Variants in FHIT observed in about 807,000 individuals in gnomAD.
The protein encoded by FHIT is fragile histidine triad diadenosine triphosphatase, also known as bis(5'-adenosyl)-triphosphatase.
FHIT carries 19 observed loss-of-function variants against 17.9 expected under a neutral mutation model. That is an observed-to-expected ratio of 1.06 (90% CI 0.74 to 1.56). FHIT has a LOEUF of 1.56. FHIT is among the 40% of genes most tolerant of loss of function. The pLI, the probability that FHIT is intolerant of heterozygous loss-of-function variation, is 0.00. For missense variants in FHIT, 248 were observed against 189.2 expected (o/e 1.31, Z -1.82); for synonymous variants, 81 against 69.7 (o/e 1.16, Z -0.81).
intron 5 of FHIT, among the ~76,000 whole-genome samples, chr3:60,444,602 AC>A (rs1319201449): frequency 6.6e-6 from 1 of 152,112 alleles, no homozygotes; most frequent in Non-Finnish European, 1.5e-5. Context: ...AGGACAAAAA[AC>A]CAAACACCGC....
intron 1 of FHIT, among the ~76,000 whole-genome samples, chr3:61,213,049 T>A (rs201344922): frequency 6.6e-6 from 1 of 151,994 alleles, no homozygotes; most frequent in Non-Finnish European, 1.5e-5. Context: ...CACTGCAAAA[T>A]CATGCCAAAT....
chr3:60,317,984 GT>G (rs1386620345), intron 5 of FHIT, among the ~76,000 whole-genome samples: 1 of 151,922 alleles, frequency 6.6e-6, no homozygotes, highest in Non-Finnish European at 1.5e-5. Context: ...TAGAAACGGG[GT>G]TTTGCCATGT....
chr3:59,827,923 G>C (rs1352628425), intron 8 of FHIT, among the ~76,000 whole-genome samples: 1 of 152,142 alleles, frequency 6.6e-6, no homozygotes, highest in Non-Finnish European at 1.5e-5. Flanking sequence ...CTGCAAATTT[G>C]ACATTTGATC....
intron 5 of FHIT, among the ~76,000 whole-genome samples, chr3:60,029,454 G>A (rs2106775828): frequency 6.6e-6 from 1 of 152,298 alleles, no homozygotes; most frequent in Admixed American, 6.5e-5. Flanking sequence ...GAGAGCAGAT[G>A]AAGGAAAATC....
At chr3:60,261,911 C>G (rs568541374) in intron 5 of FHIT, among the ~76,000 whole-genome samples, 4 of 152,050 alleles carry the variant, frequency 2.6e-5, no homozygotes, top group Admixed American at 1.3e-4. Context: ...ACAGAAGAAT[C>G]TGAACAAACA....
chr3:60,516,581 G>A (rs1228989263), intron 5 of FHIT, among the ~76,000 whole-genome samples: 1 of 152,184 alleles, frequency 6.6e-6, no homozygotes, highest in Non-Finnish European at 1.5e-5. Flanking sequence ...GTTTGGTCTA[G>A]ATCGATTTAG....
intron 5 of FHIT, among the ~76,000 whole-genome samples, chr3:60,027,108 GACAC>G (rs754046097): frequency 0.031 from 2,727 of 88,030 alleles, 82 homozygotes; most frequent in Middle Eastern, 0.14. Context: ...TTCACACACA[GACAC>G]ACACACACAC....
chr3:60,492,615 G>A (rs13087386), intron 5 of FHIT, among the ~76,000 whole-genome samples: 1,936 of 150,324 alleles, frequency 0.013, 29 homozygotes, highest in Non-Finnish European at 0.017. Context: ...CAAGCGATTC[G>A]CCTGCCTCAG....
chr3:60,374,442 A>C (rs1464752246), intron 5 of FHIT, among the ~76,000 whole-genome samples: 1 of 151,940 alleles, frequency 6.6e-6, no homozygotes, highest in East Asian at 1.9e-4. Flanking sequence ...ACAGGACTAA[A>C]AGCTTTACAT....
rs960856932 is a variant in FHIT at position 60,451,313 on chromosome 3, C to T, written c.103+85547G>A. ...CGTTGCATATCATAAGGCCCACCTC[C>T]AGCCTTCCTGGTTCCCTGTGTTATA... On this transcript the variant is annotated intron_variant, in intron 5 of 9. Transcript: ENST00000492590. Among the ~76,000 whole-genome samples, 5 of 152,222 alleles carry T rather than the reference C, an allele frequency of 3.3e-5. 1 individual carries two copies. The East Asian group carries it at 9.6e-4, about 29-fold the overall frequency.
chr3:60,356,207 T>A (rs938884471), intron 5 of FHIT, among the ~76,000 whole-genome samples: 4 of 152,232 alleles, frequency 2.6e-5, no homozygotes, highest in African/African-American at 9.6e-5. Context: ...TGTATCAGCC[T>A]ATAACAACGC....
intron 3 of FHIT, among the ~76,000 whole-genome samples, chr3:61,007,947 G>T (rs908311242): frequency 6.6e-6 from 1 of 152,168 alleles, no homozygotes; most frequent in Non-Finnish European, 1.5e-5. Context: ...TCTCAAGGCA[G>T]AACTGACCCT....
At chr3:61,190,978 G>A (rs1200902624) in intron 2 of FHIT, among the ~76,000 whole-genome samples, 1 of 151,630 alleles carries the variant, frequency 6.6e-6, no homozygotes, top group East Asian at 1.9e-4. Flanking sequence ...TACACCTAAT[G>A]CTAAATGACG....
chr3:60,335,835 CTG>C lies in FHIT; in HGVS notation c.103+201023_103+201024del, dbSNP rs372102568. 3.1e-3 allele frequency among the ~76,000 whole-genome samples: 474 copies of C among 151,956 alleles called. 1 individual carries two copies. Among genetic ancestry groups the C allele is most frequent in the African/African-American group, 0.011 (461 of 41,458 alleles). ...GTGACCTACTTTCTATTAGACAGTG[CTG>C]GTAAAGAACTTAAAAAAAATGGTAT... On this transcript the variant is annotated intron_variant, in intron 5 of 9. Transcript: ENST00000492590.
intron 1 of FHIT, among the ~76,000 whole-genome samples, chr3:61,205,705 A>T (rs2039205373): frequency 6.6e-6 from 1 of 152,154 alleles, no homozygotes; most frequent in South Asian, 2.1e-4. Context: ...TTCATTGTAG[A>T]TTCGGGATAT....
chr3:60,031,051 T>C (rs1230363392), intron 5 of FHIT, among the ~76,000 whole-genome samples: 1 of 152,216 alleles, frequency 6.6e-6, no homozygotes, highest in Admixed American at 6.5e-5. Context: ...TTTGCTGAAC[T>C]ACAAGATGGA....
At chr3:60,924,600 G>T (rs868961158) in intron 3 of FHIT, among the ~76,000 whole-genome samples, 41 of 152,232 alleles carry the variant, frequency 2.7e-4, no homozygotes, top group African/African-American at 9.4e-4. Flanking sequence ...AAACCACAAA[G>T]ATGGGGAAAA....
At chr3:60,506,054 T>C (rs879395578) in intron 5 of FHIT, among the ~76,000 whole-genome samples, 11 of 152,172 alleles carry the variant, frequency 7.2e-5, no homozygotes, top group Non-Finnish European at 1.3e-4. Context: ...TCATTAGTCT[T>C]ATTTTCTTTC....
At chr3:60,635,283 T>TCAC (rs10662562) in intron 4 of FHIT, among the ~76,000 whole-genome samples, 151,950 of 152,278 alleles carry the variant, frequency 1, 75,813 homozygotes, top group Middle Eastern at 1. Flanking sequence ...AAAGCCAGAA[T>TCAC]CACATTTTTC....
Sources: allele counts gnomAD v4.1 joint callset (sites outside exome capture counted in the v4.1 genomes callset), GRCh38; gene constraint gnomAD v4.1.1; transcripts MANE v1.5; gene names NCBI Gene and HGNC (gene_info 2026-07-23, HGNC 2026-07-21).